Variants in COL3A1 observed in about 807,000 individuals in gnomAD.
COL3A1 encodes the protein collagen type III alpha 1 chain.
Under a neutral mutation model 200.9 loss-of-function variants are expected in COL3A1, and 46 were observed. The ratio of observed to expected loss-of-function variants is 0.23; its 90% CI spans 0.18 to 0.29. COL3A1 has a LOEUF of 0.29. Ranked by LOEUF, COL3A1 falls within the 10% of genes least tolerant of loss-of-function variation. COL3A1 has a pLI of 1.00. For missense variants in COL3A1, 1,367 were observed against 1,917.6 expected, an observed-to-expected ratio of 0.71 and a Z score of 5.36; for synonymous variants, 650 against 628.0, an observed-to-expected ratio of 1.03 and a Z score of -0.52.
intron 1 of COL3A1, among the ~76,000 whole-genome samples, chr2:188,982,144 A>C (rs966023739): frequency 6.6e-6 from 1 of 151,700 alleles, no homozygotes; most frequent in African/African-American, 2.4e-5. Context: ...GAAGAGAAAA[A>C]TATTTTAAGA....
intron 1 of COL3A1, among the ~76,000 whole-genome samples, chr2:188,977,462 C>A (rs1338737921): frequency 2.0e-5 from 3 of 151,970 alleles, no homozygotes; most frequent in African/African-American, 7.2e-5. Context: ...GTAACTTGCT[C>A]AGGTAACATT....
intron 35 of COL3A1, 128 bp downstream of exon 35, chr2:189,002,479 G>GTTTTACTT: frequency 1.2e-6 from 1 of 807,968 alleles, no homozygotes; most frequent in East Asian, 2.6e-5. Context: ...TAGGATTATT[G>GTTTTACTT]TACCCCTATT....
chr2:189,003,883 C>G lies in COL3A1; in HGVS notation c.2661+96C>G, dbSNP rs898263769. The G allele has an allele frequency of 5.7e-6, 9 of 1,571,124 alleles. No individual in the cohort carries two copies. The Admixed American group carries it at 1.0e-4, about 18-fold the overall frequency. ...AACTTACACATTGCTACTTATTTCTCTAGTAAGTCTCAAATAAAATTATTT... is the reference window on the plus strand; with the variant it reads ...AACTTACACATTGCTACTTATTTCTGTAGTAAGTCTCAAATAAAATTATTT... On this transcript the variant is annotated intron_variant, in intron 38 of 50. Coordinates refer to ENST00000304636, the MANE Select transcript of COL3A1 (RefSeq NM_000090.4).
At chr2:189,005,210 A>G (rs770564949) in intron 40 of COL3A1, 140 bp from the exon 41 acceptor site, 11 of 789,140 alleles carry the variant, frequency 1.4e-5, no homozygotes, top group Non-Finnish European at 2.3e-5. Flanking sequence ...TTTTTCCCAT[A>G]GCAGGCATAG....
intron 37 of COL3A1, 78 bp from the exon 38 acceptor site, chr2:189,003,656 C>T (rs1394264117): frequency 2.0e-6 from 3 of 1,490,510 alleles, no homozygotes; most frequent in African/African-American, 2.8e-5. Flanking sequence ...GCAGATCATG[C>T]CACACATTAT....
chr2:188,999,493 A>C lies in COL3A1; in HGVS notation c.2145A>C (p.Pro715=). The C allele has an allele frequency of 6.2e-7, 1 of 1,614,108 alleles. No homozygotes were observed. Among genetic ancestry groups the C allele is most frequent in the South Asian group, 1.1e-5 (1 of 91,070 alleles). ...GGKGAAGPPG[P]PGAAGTPGLQ... is the part of the protein sequence containing the mutation. ...AGGGTGCTGCTGGTCCTCCTGGGCC[A>C]CCTGGTGCTGCTGGTACTCCTGGTC... Residue 715 remains proline (P), a synonymous_variant, in exon 31 of 51, where the codon CCA becomes CCC. Transcript: ENST00000304636.
chr2:188,983,467 C>T (rs1020488506), intron 1 of COL3A1, among the ~76,000 whole-genome samples: 1 of 151,826 alleles, frequency 6.6e-6, no homozygotes, highest in African/African-American at 2.4e-5. Context: ...ATCAGCTAAA[C>T]ATTTCAACTC....
intron 1 of COL3A1, among the ~76,000 whole-genome samples, chr2:188,976,950 T>TA (rs987682069): frequency 2.6e-5 from 4 of 152,180 alleles, no homozygotes; most frequent in African/African-American, 9.6e-5. Context: ...TAATGAGCTT[T>TA]AAAAAATTCA....
In COL3A1 at chr2:189,005,420, C is replaced by T; in HGVS notation, c.3002C>T (p.Pro1001Leu). ...ERGPPGPQGL[P>L]GLAGTAGEPG... ...GGTCCCCCTGGACCCCAGGGTCTTC[C>T]TGGTCTGGCTGGTACAGCTGGTGAA... The change falls in exon 41 of 51, where the codon CCT becomes CTT. Residue 1001 changes from proline to leucine, a missense_variant. Physicochemically the swap from Pro to Leu is moderately conservative, Grantham distance 98. Coordinates refer to ENST00000304636, the MANE Select transcript of COL3A1 (RefSeq NM_000090.4). 1.2e-6 allele frequency: 2 copies of T among 1,614,058 alleles called. No individual in the cohort carries two copies. Among genetic ancestry groups the T allele is most frequent in the Admixed American group, 3.3e-5 (2 of 60,032 alleles).
intron 50 of COL3A1, 113 bp from the exon 51 acceptor site, chr2:189,011,515 C>A: frequency 8.3e-7 from 1 of 1,202,674 alleles, no homozygotes; most frequent in Non-Finnish European, 1.2e-6. Flanking sequence ...TGAATAATAA[C>A]ATGGCACGAT....
intron 4 of COL3A1, 103 bp from the exon 5 acceptor site, chr2:188,986,956 C>T: frequency 3.1e-6 from 3 of 981,222 alleles, no homozygotes; most frequent in Non-Finnish European, 4.9e-6. Flanking sequence ...CACACAAAAA[C>T]CTATCAGTAG....
At chr2:188,998,204 G>A (rs1316979737) in intron 27 of COL3A1, 62 bp from the exon 28 acceptor site, 5 of 1,461,066 alleles carry the variant, frequency 3.4e-6, no homozygotes, top group East Asian at 4.6e-5. Context: ...GTGTACATAT[G>A]AGAAGCTTTT....
rs2153503710 is a variant in COL3A1, at chr2:189,006,248, C to T, written c.3082C>T (p.Pro1028Ser). ...TGGTCTTCCAGGCCGAGATGGATCT[C>T]CTGGTGGCAAGGTATAATAAACACA... ...SDGLPGRDGS[P>S]GGKGDRGENG... The change falls in exon 42 of 51, where the codon CCT (proline) becomes TCT (serine). Residue 1028 changes from proline (P) to serine (S), a missense_variant. Around this residue, in one of 5 missense-constraint regions of COL3A1, gnomAD observed 846 missense variants for 1,147.9 expected, o/e 0.74. Transcript: ENST00000304636. 1 of 1,614,114 alleles carries T rather than the reference C, an allele frequency of 6.2e-7. No individual in the cohort carries two copies. The highest frequency in any genetic ancestry group is 8.5e-7 in the Non-Finnish European group (1 of 1,180,012).
At chr2:188,991,402 A>C in intron 11 of COL3A1, 85 bp from the exon 12 acceptor site, 3 of 886,904 alleles carry the variant, frequency 3.4e-6, no homozygotes, top group Non-Finnish European at 5.1e-6. Flanking sequence ...GGCTCTATAA[A>C]CTTTTCCATA....
chr2:188,992,819 T>C (rs1314605649), intron 14 of COL3A1, 68 bp from the exon 15 acceptor site: 14 of 1,231,292 alleles, frequency 1.1e-5, no homozygotes, highest in Non-Finnish European at 1.7e-5. Flanking sequence ...TGTGCTCACT[T>C]ATTTACTAGT....
intron 16 of COL3A1, 50 bp from the exon 17 acceptor site, chr2:188,993,988 C>T (rs372938481): frequency 2.4e-5 from 37 of 1,544,276 alleles, no homozygotes; most frequent in African/African-American, 5.4e-5. Flanking sequence ...CAAATATATA[C>T]GAACTATTTG....
chr2:188,984,631 A>G (rs1576460609), intron 1 of COL3A1, 129 bp from the exon 2 acceptor site: 1 of 793,084 alleles, frequency 1.3e-6, no homozygotes, highest in Non-Finnish European at 2.1e-6. Flanking sequence ...TAATTTTCTA[A>G]TGAAAGGAAG....
chr2:188,993,233 C>A, intron 15 of COL3A1, 128 bp from the exon 16 acceptor site: 1 of 793,612 alleles, frequency 1.3e-6, no homozygotes, highest in Non-Finnish European at 2.2e-6. Flanking sequence ...TGATTCCTTG[C>A]TTTACCTGCA....
intron 50 of COL3A1, 111 bp from the exon 51 acceptor site, chr2:189,011,517 T>C: frequency 8.2e-7 from 1 of 1,218,250 alleles, no homozygotes; most frequent in East Asian, 2.4e-5. Flanking sequence ...AATAATAACA[T>C]GGCACGATGA....
Sources: gnomAD v4.1 joint callset for allele counts (sites outside exome capture counted in the v4.1 genomes callset) on GRCh38, gnomAD v4.1.1 for gene constraint, gnomAD v4.1.1 regional missense constraint, MANE v1.5 for transcripts, NCBI Gene and HGNC (gene_info 2026-07-23, HGNC 2026-07-21) for gene names.